Variants in WASHC4 observed in about 807,000 individuals in gnomAD.
WASHC4 encodes WASH complex subunit 7.
Under a neutral mutation model 166.6 loss-of-function variants are expected in WASHC4, and 86 were observed. The ratio of observed to expected loss-of-function variants is 0.52; its 90% CI spans 0.43 to 0.62. The LOEUF (loss-of-function observed/expected upper bound fraction) is 0.62, where lower values mean the gene tolerates loss of function less well. Among genes scored for constraint, WASHC4 ranks in the 20% least tolerant of loss-of-function variants. WASHC4 has a pLI of 0.00. For missense variants in WASHC4, 1,262 were observed against 1,382.4 expected (o/e 0.91, Z 1.38); for synonymous variants, 446 against 451.6 (o/e 0.99, Z 0.16).
rs1565986158 is a variant in WASHC4, at chr12:105,107,768, G to GT, written c.-31dup. On this transcript the variant is annotated 5_prime_UTR_variant, in exon 1 of 33. Transcript: ENST00000332180. ...GAGGCCGTCGTCGCCGCACGGGCTG[G>GT]TTGGGGCTGTGTCTGTGGGAGGCGC... is the stretch of plus-strand genomic sequence containing the variant. 1 of 1,529,414 alleles carries GT rather than the reference G, an allele frequency of 6.5e-7. No homozygotes were observed. Among genetic ancestry groups the GT allele is most frequent in the Admixed American group, 2.0e-5 (1 of 50,902 alleles). The allele number at this position is 1,529,414 out of a possible 1,614,324, so 94.7% of individuals were successfully genotyped here.
At chr12:105,139,757 T>C (rs1882657159) in intron 15 of WASHC4, among the ~76,000 whole-genome samples, 1 of 152,078 alleles carries the variant, frequency 6.6e-6, no homozygotes, top group Admixed American at 6.5e-5. Context: ...TCCTGAACAT[T>C]AGTCACTTGT....
chr12:105,127,047 C>A, intron 12 of WASHC4, 82 bp from the exon 13 acceptor site: 1 of 1,132,964 alleles, frequency 8.8e-7, no homozygotes, highest in Non-Finnish European at 1.3e-6. Flanking sequence ...AGTTGTCTTC[C>A]ATGTGTATTA....
intron 29 of WASHC4, among the ~76,000 whole-genome samples, 195 bp downstream of exon 29, chr12:105,160,343 T>C (rs1196878): frequency 0.36 from 55,448 of 151,934 alleles, 11,020 homozygotes; most frequent in Middle Eastern, 0.52. Context: ...CACTTTCTTA[T>C]TGTTAAATTT....
At position 105,168,108 on chromosome 12, in the gene WASHC4, C is replaced by T. The variant is rs1320382303; in HGVS notation, c.*1177C>T. ...GGAAATGCTTGATTTTTTTCTATTG[C>T]ATTTGTCTGCTAAACATTTCTTTGG... On this transcript the variant is annotated 3_prime_UTR_variant, in exon 33 of 33. Coordinates refer to ENST00000332180, the MANE Select transcript of WASHC4 (RefSeq NM_015275.3). 1 of 151,972 alleles carries T rather than the reference C, an allele frequency of 6.6e-6. No individual in the cohort carries two copies. The highest frequency in any genetic ancestry group is 1.5e-5 in the Non-Finnish European group (1 of 67,908). The allele number at this position is 151,972 out of a possible 1,614,324, so 9.4% of individuals were successfully genotyped here.
intron 19 of WASHC4, 39 bp from the exon 20 acceptor site, chr12:105,143,088 G>C (rs770834848): frequency 1.9e-5 from 25 of 1,312,430 alleles, no homozygotes; most frequent in Admixed American, 5.1e-5. Flanking sequence ...TAGAGACCTG[G>C]TTTTTCTAAA....
Position 105,147,773 on chromosome 12 carries a change from C to T in WASHC4, c.2514+627C>T, listed in dbSNP as rs1035515209. On this transcript the variant is annotated intron_variant, in intron 24 of 32. Transcript: ENST00000332180. ...ATACAAAATTAGCCAGGCGTGGTGG[C>T]GGGCGCCTGTAATCCCAGCTGCTTG... 3.6e-5 allele frequency: 13 copies of T among 361,160 alleles called. No homozygotes were observed. In the Admixed American group the frequency reaches 5.1e-4, roughly 14 times the overall value. 22.4% of individuals were successfully genotyped at this position (361,160 alleles called of 1,614,324 possible).
In WASHC4 at chr12:105,152,435, A is replaced by T. The variant is rs372663472; in HGVS notation, c.2742A>T (p.Gln914His). ...EGQSYLDQFR[Q>H]LISQIGNAMG... ...AGAGCTACCTTGATCAATTCAGGCA[A>T]CTCATCAGCCAGATTGGTAAGTTAT... Residue 914 changes from glutamine (Q) to histidine (H), a missense_variant, in exon 26 of 33, where the codon CAA becomes CAT. By Grantham distance (24) the Gln-to-His change is conservative. Transcript: ENST00000332180. 1 of 1,575,004 alleles carries T rather than the reference A, an allele frequency of 6.3e-7. No individual in the cohort carries two copies.
In WASHC4 at chr12:105,118,444, A is replaced by G; in HGVS notation, c.436-2A>G. 2.5e-6 allele frequency: 4 copies of G among 1,609,110 alleles called. No individual in the cohort carries two copies. Among genetic ancestry groups the G allele is most frequent in the Non-Finnish European group, 3.4e-6 (4 of 1,175,384 alleles). ...TAATATATACCCACCTTCTCGTTTC[A>G]GGAACTGTCTTGCTTTGTTACGAGG... On this transcript the variant is annotated splice_acceptor_variant, in intron 6 of 32. Coordinates refer to ENST00000332180, the MANE Select transcript of WASHC4 (RefSeq NM_015275.3). LOFTEE classifies it high-confidence loss of function.
chr12:105,143,977 A>G (rs1334394078), intron 20 of WASHC4, among the ~76,000 whole-genome samples: 1 of 151,766 alleles, frequency 6.6e-6, no homozygotes, highest in African/African-American at 2.4e-5. Flanking sequence ...AACAGTTATT[A>G]CAAGGAAGCT....
intron 20 of WASHC4, 115 bp from the exon 21 acceptor site, chr12:105,144,172 G>A: frequency 1.3e-6 from 1 of 779,942 alleles, no homozygotes; most frequent in Non-Finnish European, 2.1e-6. Flanking sequence ...TAGAATTTAT[G>A]TAACTGCTTC....
chr12:105,145,756 G>A (rs1013545227), intron 22 of WASHC4, among the ~76,000 whole-genome samples: 2 of 152,046 alleles, frequency 1.3e-5, no homozygotes, highest in African/African-American at 2.4e-5. Context: ...GCTCCTTTGA[G>A]CTCTAATTAG....
At chr12:105,152,555 C>CCTG in intron 26 of WASHC4, 104 bp downstream of exon 26, 1 of 736,304 alleles carries the variant, frequency 1.4e-6, no homozygotes, top group Non-Finnish European at 2.4e-6. Flanking sequence ...AAAGCCTGAG[C>CCTG]TCAGCTTTAC....
chr12:105,111,255 A>G lies in WASHC4; in HGVS notation c.192A>G (p.Ile64Met). Residue 64 changes from isoleucine to methionine, a missense_variant, in exon 2 of 33, where the codon ATA becomes ATG. Coordinates refer to ENST00000332180, the MANE Select transcript of WASHC4 (RefSeq NM_015275.3). ...GDVWDFNLDP[I>M]ALKLLPYEQS... The stretch of plus-strand genomic sequence containing the variant: ...TTTGGGATTTCAATCTTGATCCTAT[A>G]GCATTAAAGGTTTGATTTGATTTTT... 1.2e-6 allele frequency: 2 copies of G among 1,605,706 alleles called. No homozygotes were observed. The highest frequency in any genetic ancestry group is 1.7e-6 in the Non-Finnish European group (2 of 1,173,494).
intron 26 of WASHC4, 146 bp from the exon 27 acceptor site, chr12:105,156,580 T>TA: frequency 1.8e-6 from 1 of 558,918 alleles, no homozygotes; most frequent in Non-Finnish European, 3.2e-6. Flanking sequence ...TTTTACTTTT[T>TA]ATGATAAGAA....
Position 105,144,780 on chromosome 12 carries a change from T to G in WASHC4, c.2242T>G (p.Trp748Gly). 1 of 1,612,836 alleles carries G rather than the reference T, an allele frequency of 6.2e-7. No individual in the cohort carries two copies. The highest frequency in any genetic ancestry group is 1.3e-5 in the African/African-American group (1 of 74,908). Residue 748 changes from tryptophan to glycine, a missense_variant, in exon 22 of 33, where the codon TGG (tryptophan) becomes GGG (glycine). By Grantham distance (184) the Trp-to-Gly change is radical. Transcript: ENST00000332180. The part of the protein sequence containing the change: ...YNLTTVALHD[W>G]ATYSEMRNLA... ...TCTAACAACTGTAGCCCTTCATGAC[T>G]GGGCCACTTATAGTGAGATGAGAAA...
At chr12:105,115,088 C>A in intron 4 of WASHC4, 96 bp from the exon 5 acceptor site, 1 of 656,784 alleles carries the variant, frequency 1.5e-6, no homozygotes, top group Non-Finnish European at 2.8e-6. Context: ...ATGATGTAGC[C>A]CTCTGTTTAT....
chr12:105,160,345 G>A (rs1327087821), intron 29 of WASHC4, among the ~76,000 whole-genome samples, 197 bp downstream of exon 29: 3 of 151,932 alleles, frequency 2.0e-5, no homozygotes, highest in Non-Finnish European at 1.5e-5. Context: ...CTTTCTTATT[G>A]TTAAATTTTT....
chr12:105,131,082 A>G (rs868131042), intron 13 of WASHC4, among the ~76,000 whole-genome samples: 7 of 148,654 alleles, frequency 4.7e-5, no homozygotes, highest in Admixed American at 4.7e-4. Context: ...TTATTTATTT[A>G]TTTTTTTTTT....
chr12:105,144,391 A>G lies in WASHC4; in HGVS notation c.2115A>G (p.Lys705=). 6.2e-7 allele frequency: 1 copy of G among 1,613,626 alleles called. No individual in the cohort carries two copies. Among genetic ancestry groups the G allele is most frequent in the Non-Finnish European group, 8.5e-7 (1 of 1,179,612 alleles). ...GAAACCCTTTCAAAGTTGGCATGAA[A>G]GACCTGGCTCTTTTTTTCTCTCTGA... ...DDRNPFKVGM[K]DLALFFSLNP... The change falls in exon 21 of 33, where the codon AAA becomes AAG. Residue 705 remains lysine (K), a synonymous_variant. Coordinates refer to ENST00000332180, the MANE Select transcript of WASHC4 (RefSeq NM_015275.3).
Sources: allele counts gnomAD v4.1 joint callset (sites outside exome capture counted in the v4.1 genomes callset), GRCh38; gene constraint gnomAD v4.1.1; transcripts MANE v1.5; gene names NCBI Gene and HGNC (gene_info 2026-07-23, HGNC 2026-07-21).